Variants in CNTN5 observed in about 807,000 individuals in gnomAD.
The protein encoded by CNTN5 is contactin 5, also known as contactin-5.
CNTN5 carries 77 observed loss-of-function variants against 129.1 expected under a neutral mutation model. The observed-to-expected ratio is 0.60, with a 90% CI of 0.50 to 0.72. CNTN5 has a LOEUF of 0.72. Among genes scored for constraint, CNTN5 ranks in the 30% least tolerant of loss-of-function variants. The probability of loss-of-function intolerance (pLI) is 0.00; values close to 1 mark genes in which losing one functional copy is unlikely to be tolerated. For missense variants in CNTN5, 1,478 were observed against 1,328.8 expected (o/e 1.11, Z -1.75); for synonymous variants, 509 against 465.6 (o/e 1.09, Z -1.20).
chr11:100,022,620 A>T (rs551681825), intron 9 of CNTN5, among the ~76,000 whole-genome samples: 1 of 152,156 alleles, frequency 6.6e-6, no homozygotes, highest in African/African-American at 2.4e-5. Context: ...ACCATTTTCA[A>T]TGCTTTCAAA....
At chr11:99,813,668 C>G (rs1946496854) in intron 3 of CNTN5, among the ~76,000 whole-genome samples, 1 of 151,724 alleles carries the variant, frequency 6.6e-6, no homozygotes, top group Non-Finnish European at 1.5e-5. Flanking sequence ...CTAGGGTGTG[C>G]CAACATTGAG....
At chr11:99,345,076 C>T (rs1176762535) in intron 2 of CNTN5, among the ~76,000 whole-genome samples, 2 of 152,116 alleles carry the variant, frequency 1.3e-5, no homozygotes, top group Admixed American at 6.6e-5. Flanking sequence ...TTGAATTACT[C>T]CCACTTGTAC....
At chr11:99,626,994 G>C (rs1342297348) in intron 3 of CNTN5, among the ~76,000 whole-genome samples, 5 of 152,032 alleles carry the variant, frequency 3.3e-5, no homozygotes, top group East Asian at 3.9e-4. Flanking sequence ...TCAATTTTCC[G>C]TAGTTTCCTT....
chr11:99,429,808 AC>A (rs1353026307), intron 2 of CNTN5, among the ~76,000 whole-genome samples: 2 of 152,050 alleles, frequency 1.3e-5, no homozygotes, highest in Non-Finnish European at 2.9e-5. Flanking sequence ...TTTAAACTGT[AC>A]CCTTTCTTAT....
chr11:100,240,324 G>A (rs899337467), intron 16 of CNTN5, among the ~76,000 whole-genome samples: 1 of 151,892 alleles, frequency 6.6e-6, no homozygotes, highest in Non-Finnish European at 1.5e-5. Flanking sequence ...GGTGGCATCG[G>A]GATAGTACCA....
At chr11:100,043,393 A>C (rs1714689265) in intron 9 of CNTN5, among the ~76,000 whole-genome samples, 1 of 152,196 alleles carries the variant, frequency 6.6e-6, no homozygotes, top group Non-Finnish European at 1.5e-5. Context: ...ATTTTTACAA[A>C]TAATTTTATA....
intron 3 of CNTN5, among the ~76,000 whole-genome samples, chr11:99,562,417 G>A (rs112506366): frequency 0.011 from 1,669 of 152,066 alleles, 16 homozygotes; most frequent in Middle Eastern, 0.031. Context: ...TTTCATTACA[G>A]GAAGTCTTAG....
rs202038646 is a variant in CNTN5, at chr11:100,002,155, A to C, written c.980+19A>C. On this transcript the variant is annotated intron_variant, in intron 9 of 24. Coordinates refer to ENST00000524871, the MANE Select transcript of CNTN5 (RefSeq NM_014361.4). ...TTGGCAAGTAAGTACATGTTCTTCC[A>C]TAATTAAACACAATTTTTTATTAAA... is the stretch of plus-strand genomic sequence containing the variant. The C allele has an allele frequency of 2.6e-5, 36 of 1,405,780 alleles. No homozygotes were observed. Among genetic ancestry groups the C allele is most frequent in the Non-Finnish European group, 3.2e-5 (34 of 1,050,566 alleles). The allele number at this position is 1,405,780 out of a possible 1,614,324, so 87.1% of individuals were successfully genotyped here. A position where few individuals can be genotyped will look rare whatever the true frequency, so the allele number is the denominator to read the frequency against.
intron 23 of CNTN5, among the ~76,000 whole-genome samples, chr11:100,346,031 T>C (rs1952271029): frequency 6.6e-6 from 1 of 152,194 alleles, no homozygotes; most frequent in Middle Eastern, 3.2e-3. Flanking sequence ...AATAAACATG[T>C]GCCACTTTAT....
chr11:99,494,524 T>C (rs1384039140), intron 2 of CNTN5, among the ~76,000 whole-genome samples: 1 of 152,154 alleles, frequency 6.6e-6, no homozygotes, highest in Non-Finnish European at 1.5e-5. Flanking sequence ...TTTCTTGTAA[T>C]GGGGTCCAGG....
intron 8 of CNTN5, among the ~76,000 whole-genome samples, chr11:99,963,746 G>C (rs1951015991): frequency 1.3e-5 from 2 of 152,092 alleles, no homozygotes; most frequent in Non-Finnish European, 2.9e-5. Context: ...AATTACCTTG[G>C]GCAATATGGC....
chr11:99,521,430 T>C (rs1313743305), intron 2 of CNTN5, among the ~76,000 whole-genome samples: 2 of 152,190 alleles, frequency 1.3e-5, no homozygotes, highest in African/African-American at 4.8e-5. Flanking sequence ...GGAAATACTT[T>C]GTAATCTCTA....
chr11:99,736,289 C>T (rs887622656), intron 3 of CNTN5, among the ~76,000 whole-genome samples: 14 of 152,138 alleles, frequency 9.2e-5, no homozygotes, highest in African/African-American at 3.4e-4. Flanking sequence ...CTCAGACTTA[C>T]TGTGGATTGG....
intron 13 of CNTN5, among the ~76,000 whole-genome samples, chr11:100,076,213 A>G (rs1944120127): frequency 6.6e-6 from 1 of 152,158 alleles, no homozygotes. Context: ...ACGTATTAAA[A>G]AGCTTACAGT....
At chr11:100,315,704 A>G (rs138331615) in intron 21 of CNTN5, among the ~76,000 whole-genome samples, 1 of 152,214 alleles carries the variant, frequency 6.6e-6, no homozygotes, top group Non-Finnish European at 1.5e-5. Context: ...AAAAAATATG[A>G]AATTCCAAAT....
chr11:99,586,812 A>T (rs1949807811), intron 3 of CNTN5, among the ~76,000 whole-genome samples: 1 of 152,164 alleles, frequency 6.6e-6, no homozygotes, highest in Non-Finnish European at 1.5e-5. Flanking sequence ...CACTCATCTA[A>T]TAAATCTGTC....
intron 13 of CNTN5, among the ~76,000 whole-genome samples, chr11:100,180,921 T>G (rs1204457816): frequency 6.6e-6 from 1 of 151,962 alleles, no homozygotes; most frequent in Non-Finnish European, 1.5e-5. Context: ...GGTGATGATG[T>G]GTACAAAGTG....
At chr11:99,850,104 A>T (rs1339958135) in intron 6 of CNTN5, among the ~76,000 whole-genome samples, 1 of 108,054 alleles carries the variant, frequency 9.3e-6, no homozygotes, top group Admixed American at 8.6e-5. Flanking sequence ...CCACTTATTT[A>T]ATTTTCCTTA....
intron 2 of CNTN5, among the ~76,000 whole-genome samples, chr11:99,493,978 G>T (rs964622621): frequency 2.6e-5 from 4 of 151,976 alleles, no homozygotes; most frequent in Non-Finnish European, 4.4e-5. Context: ...TTCTGATATT[G>T]GTAGCTACCG....
Sources: gnomAD v4.1 joint callset for allele counts (sites outside exome capture counted in the v4.1 genomes callset) on GRCh38, gnomAD v4.1.1 for gene constraint, MANE v1.5 for transcripts, NCBI Gene and HGNC (gene_info 2026-07-23, HGNC 2026-07-21) for gene names.